PGGT1B: variants seen among roughly 807,000 people sequenced by gnomAD.
PGGT1B encodes the protein geranylgeranyl transferase type-1 subunit beta.
PGGT1B carries 30 observed loss-of-function variants against 46.1 expected under a neutral mutation model. The ratio of observed to expected loss-of-function variants is 0.65; its 90% CI spans 0.49 to 0.88. PGGT1B has a LOEUF of 0.88. PGGT1B is among the 40% of genes least tolerant of loss of function. The probability of loss-of-function intolerance (pLI) is 0.00; values close to 1 mark genes in which losing one functional copy is unlikely to be tolerated. For missense variants in PGGT1B, 376 were observed against 455.9 expected (o/e 0.82, Z 1.60); for synonymous variants, 170 against 160.0 (o/e 1.06, Z -0.47).
At chr5:115,238,497 C>A (rs1008618180) in intron 3 of PGGT1B, among the ~76,000 whole-genome samples, 2 of 151,378 alleles carry the variant, frequency 1.3e-5, no homozygotes, top group African/African-American at 4.8e-5. Flanking sequence ...CAAACTTAAT[C>A]ACGCTATCAC....
At chr5:115,227,878 G>A (rs1756839266) in intron 6 of PGGT1B, among the ~76,000 whole-genome samples, 1 of 152,058 alleles carries the variant, frequency 6.6e-6, no homozygotes, top group African/African-American at 2.4e-5. Context: ...AACAGCAGCT[G>A]GTTAATAAAT....
rs1156462552 is a variant in PGGT1B, at chr5:115,257,717, T to C, written c.141-4462A>G. Reference sequence around the variant, plus strand: ...CAACCCCATCCTTTACCAAGTGTCTTAAACAAGTGTCTTAAACAATGGACT... The same window carrying C: ...CAACCCCATCCTTTACCAAGTGTCTCAAACAAGTGTCTTAAACAATGGACT... On this transcript the variant is annotated intron_variant, in intron 1 of 8. Transcript: ENST00000419445. 2.6e-5 allele frequency among the ~76,000 whole-genome samples: 4 copies of C among 152,146 alleles called. No individual in the cohort carries two copies. In the East Asian group the frequency reaches 7.7e-4, roughly 29 times the overall value.
Position 115,221,896 on chromosome 5 carries a change from T to G in PGGT1B, c.771A>C (p.Gln257His). The G allele has an allele frequency of 6.2e-7, 1 of 1,610,734 alleles. No homozygotes were observed. The highest frequency in any genetic ancestry group is 8.5e-7 in the Non-Finnish European group (1 of 1,178,426). ...RIKRWCIMRQ[Q>H]NGYHGRPNKP... The stretch of plus-strand genomic sequence containing the variant: ...TATTAGGTCTTCCATGATAACCATT[T>G]TGTTGCCTCATTATACACCACCTCT... The change falls in exon 7 of 9, where the codon CAA (glutamine) becomes CAC (histidine). Residue 257 changes from glutamine (Q) to histidine (H), a missense_variant. By Grantham distance (24) the Gln-to-His change is conservative. Around this residue, in one of 2 missense-constraint regions of PGGT1B, gnomAD observed 222 missense variants for 313.6 expected, o/e 0.71. Transcript: ENST00000419445.
At chr5:115,221,069 A>T (rs183576435) in intron 7 of PGGT1B, among the ~76,000 whole-genome samples, 1 of 152,134 alleles carries the variant, frequency 6.6e-6, no homozygotes, top group Admixed American at 6.6e-5. Context: ...AGAGACAGGG[A>T]GACTACTGTC....
Position 115,236,408 on chromosome 5 carries a change from G to A in PGGT1B, c.594C>T (p.Thr198=). 6.3e-7 allele frequency: 1 copy of A among 1,593,244 alleles called. No individual in the cohort carries two copies. ...WSGMDMKKAI[T]YIRRSMSYDN... ...AACTCACCATACTCCTTCTAATATA[G>A]GTGATGGCTTTTTTCATATCCATGC... Residue 198 remains threonine (T), a synonymous_variant, in exon 5 of 9, where the codon ACC becomes ACT. Coordinates refer to ENST00000419445, the MANE Select transcript of PGGT1B (RefSeq NM_005023.4).
intron 1 of PGGT1B, among the ~76,000 whole-genome samples, chr5:115,258,590 A>G (rs1270997404): frequency 6.6e-6 from 1 of 152,188 alleles, no homozygotes; most frequent in African/African-American, 2.4e-5. Flanking sequence ...TTTCTGCTCA[A>G]CACTCACTTC....
intron 4 of PGGT1B, 70 bp downstream of exon 4, chr5:115,237,788 A>T: frequency 7.6e-7 from 1 of 1,309,132 alleles, no homozygotes. Context: ...CTAGTATAGT[A>T]CTGTATCCAT....
chr5:115,229,365 C>T (rs1159204944), intron 6 of PGGT1B, among the ~76,000 whole-genome samples: 2 of 152,006 alleles, frequency 1.3e-5, no homozygotes, highest in South Asian at 2.1e-4. Context: ...GATTAAAAGG[C>T]CTTCCTCTAG....
intron 1 of PGGT1B, among the ~76,000 whole-genome samples, chr5:115,255,490 T>A (rs1469545066): frequency 6.6e-6 from 1 of 152,204 alleles, no homozygotes; most frequent in Non-Finnish European, 1.5e-5. Flanking sequence ...TTGGTTTTGA[T>A]ATAATACATA....
chr5:115,239,390 T>A (rs140836011), intron 3 of PGGT1B, among the ~76,000 whole-genome samples: 201 of 152,290 alleles, frequency 1.3e-3, no homozygotes, highest in African/African-American at 3.7e-3. Flanking sequence ...CAAGCAAATT[T>A]CCATCTTTAT....
Position 115,246,312 on chromosome 5 carries a change from C to T in PGGT1B, c.260-4706G>A, listed in dbSNP as rs372333940. 1.7e-3 allele frequency among the ~76,000 whole-genome samples: 256 copies of T among 150,548 alleles called. 2 individuals are homozygous for T. The highest frequency in any genetic ancestry group is 5.8e-3 in the African/African-American group (239 of 40,934). On this transcript the variant is annotated intron_variant, in intron 2 of 8. Coordinates refer to ENST00000419445, the MANE Select transcript of PGGT1B (RefSeq NM_005023.4). ...TGGAGGTTGCAGTGAGCCAAGATTG[C>T]GCCACTGCACTCCATCCTGGGTGAC... is the stretch of plus-strand genomic sequence containing the variant.
chr5:115,261,050 T>C (rs1340975698), intron 1 of PGGT1B, among the ~76,000 whole-genome samples: 3 of 152,232 alleles, frequency 2.0e-5, no homozygotes, highest in Non-Finnish European at 4.4e-5. Flanking sequence ...ATCTAAGCAG[T>C]GTATGTATAC....
At chr5:115,251,097 CAT>C (rs1330522226) in intron 2 of PGGT1B, among the ~76,000 whole-genome samples, 6 of 152,070 alleles carry the variant, frequency 3.9e-5, no homozygotes, top group Non-Finnish European at 1.5e-5. Flanking sequence ...TTTTGGGGAA[CAT>C]GTTTTAATTT....
In PGGT1B at chr5:115,205,630, G is replaced by A. The variant is rs975950164; in HGVS notation, c.*6772C>T. 1 of 152,058 alleles carries A rather than the reference G, an allele frequency of 6.6e-6. No individual in the cohort carries two copies. The highest frequency in any genetic ancestry group is 1.5e-5 in the Non-Finnish European group (1 of 67,950). The allele number at this position is 152,058 out of a possible 1,614,324, so 9.4% of individuals were successfully genotyped here. A position where few individuals can be genotyped will look rare whatever the true frequency, so the allele number is the denominator to read the frequency against. The stretch of plus-strand genomic sequence containing the variant: ...GAATTCAGATTTATAATTCGTAAAT[G>A]AGTTTGAGGAACGAAGCCACAAAGG... On this transcript the variant is annotated 3_prime_UTR_variant, in exon 9 of 9. Coordinates refer to ENST00000419445, the MANE Select transcript of PGGT1B (RefSeq NM_005023.4).
At chr5:115,261,796 C>G (rs1211224186) in intron 1 of PGGT1B, among the ~76,000 whole-genome samples, 1 of 152,166 alleles carries the variant, frequency 6.6e-6, no homozygotes, top group Non-Finnish European at 1.5e-5. Flanking sequence ...ACATGCCTGT[C>G]TATATACTCC....
chr5:115,216,160 CAA>C (rs1365162731), intron 8 of PGGT1B, among the ~76,000 whole-genome samples: 1 of 151,580 alleles, frequency 6.6e-6, no homozygotes, highest in Admixed American at 6.6e-5. Context: ...TTTTTTGAGA[CAA>C]AGAGTCTCGC....
intron 2 of PGGT1B, among the ~76,000 whole-genome samples, chr5:115,245,444 C>A (rs186200800): frequency 6.6e-6 from 1 of 152,306 alleles, no homozygotes; most frequent in Non-Finnish European, 1.5e-5. Context: ...GGATCCTATT[C>A]TTCCTATCAA....
At chr5:115,250,974 G>T (rs757255735) in intron 2 of PGGT1B, among the ~76,000 whole-genome samples, 3 of 152,068 alleles carry the variant, frequency 2.0e-5, no homozygotes, top group Non-Finnish European at 2.9e-5. Context: ...ATTTTCCATG[G>T]TGTGAATATG....
At position 115,207,972 on chromosome 5, in the gene PGGT1B, T is replaced by A. The variant is rs2126980917; in HGVS notation, c.*4430A>T. On this transcript the variant is annotated 3_prime_UTR_variant, in exon 9 of 9. Transcript: ENST00000419445. ...CATAAGTGAGTGCTCAATTCTATCA[T>A]GTCTTTTCTGCAAAGATGAAGATAT... 6.6e-6 allele frequency: 1 copy of A among 152,196 alleles called. No homozygotes were observed. Among genetic ancestry groups the A allele is most frequent in the Non-Finnish European group, 1.5e-5 (1 of 67,944 alleles). The allele number at this position is 152,196 out of a possible 1,614,324, so 9.4% of individuals were successfully genotyped here. A position where few individuals can be genotyped will look rare whatever the true frequency, so the allele number is the denominator to read the frequency against.
Sources: gnomAD v4.1 joint callset for allele counts (sites outside exome capture counted in the v4.1 genomes callset) on GRCh38, gnomAD v4.1.1 for gene constraint, gnomAD v4.1.1 regional missense constraint, MANE v1.5 for transcripts, NCBI Gene and HGNC (gene_info 2026-07-23, HGNC 2026-07-21) for gene names.